Variants in NRG3 observed in about 807,000 individuals in gnomAD.
NRG3 encodes the protein pro-neuregulin-3, membrane-bound isoform.
In NRG3, 31 loss-of-function variants were observed where a neutral mutation model predicts 66.9. The ratio of observed to expected loss-of-function variants is 0.46; its 90% CI spans 0.35 to 0.63. The LOEUF is 0.63. Among genes scored for constraint, NRG3 ranks in the 20% least tolerant of loss-of-function variants. The pLI is 0.00. For missense variants in NRG3, 910 were observed against 878.9 expected (o/e 1.04, Z -0.45); for synonymous variants, 393 against 359.4 (o/e 1.09, Z -1.06).
intron 2 of NRG3, among the ~76,000 whole-genome samples, chr10:82,697,824 A>T (rs1353964587): frequency 6.6e-6 from 1 of 152,118 alleles, no homozygotes; most frequent in Non-Finnish European, 1.5e-5. Flanking sequence ...GAAAGTCATT[A>T]GGAATGTGTC....
intron 2 of NRG3, among the ~76,000 whole-genome samples, chr10:82,684,100 C>G (rs985587859): frequency 7.2e-5 from 11 of 152,216 alleles, no homozygotes; most frequent in Admixed American, 4.6e-4. Context: ...ATTAGCTCCC[C>G]GTAGACAGGT....
chr10:81,932,208 G>A (rs2133002569), intron 1 of NRG3, among the ~76,000 whole-genome samples: 1 of 126,956 alleles, frequency 7.9e-6, no homozygotes, highest in East Asian at 3.1e-4. Context: ...GAGATTGAGA[G>A]AAAGAGAGAG....
chr10:82,117,573 C>G (rs2067807575), intron 1 of NRG3, among the ~76,000 whole-genome samples: 1 of 152,074 alleles, frequency 6.6e-6, no homozygotes, highest in South Asian at 2.1e-4. Context: ...CATATTCTCA[C>G]CCTGAGACAT....
rs552307919 is a variant in NRG3 at position 82,280,873 on chromosome 10, C to A, written c.824-77866C>A. On this transcript the variant is annotated intron_variant, in intron 1 of 8. Coordinates refer to ENST00000372141, the MANE Select transcript of NRG3 (RefSeq NM_001010848.4). Reference sequence around the variant, plus strand: ...TAGTAACTCTCCAATGGCAATCCATCCTGTCCTGTGCCAGCATGGCCACCC... The same window carrying A: ...TAGTAACTCTCCAATGGCAATCCATACTGTCCTGTGCCAGCATGGCCACCC... Among the ~76,000 whole-genome samples, 8 of 152,332 alleles carry A rather than the reference C, an allele frequency of 5.3e-5. No individual in the cohort carries two copies. In the East Asian group the frequency reaches 1.5e-3, roughly 29 times the overall value.
At chr10:82,602,514 A>G (rs889110226) in intron 2 of NRG3, among the ~76,000 whole-genome samples, 3 of 152,100 alleles carry the variant, frequency 2.0e-5, no homozygotes, top group African/African-American at 4.8e-5. Flanking sequence ...AGCTTTGAAG[A>G]TAAGTAAAAC....
chr10:82,253,476 T>TC (rs1163894904), intron 1 of NRG3, among the ~76,000 whole-genome samples: 1 of 152,190 alleles, frequency 6.6e-6, no homozygotes, highest in Non-Finnish European at 1.5e-5. Flanking sequence ...CTCAACAGTC[T>TC]CACTAATTTT....
intron 1 of NRG3, among the ~76,000 whole-genome samples, chr10:82,112,427 A>G (rs1022531072): frequency 1.3e-5 from 2 of 152,124 alleles, no homozygotes; most frequent in African/African-American, 4.8e-5. Context: ...TAGGAATCAA[A>G]CAGAAAATGT....
intron 1 of NRG3, among the ~76,000 whole-genome samples, chr10:82,042,066 G>A (rs2063068468): frequency 6.6e-6 from 1 of 151,946 alleles, no homozygotes; most frequent in South Asian, 2.1e-4. Flanking sequence ...ATATAAAGTG[G>A]CCACTGAGAT....
At chr10:82,346,909 A>G (rs1253455413) in intron 1 of NRG3, among the ~76,000 whole-genome samples, 1 of 151,676 alleles carries the variant, frequency 6.6e-6, no homozygotes, top group Non-Finnish European at 1.5e-5. Flanking sequence ...ATCGGTGGTG[A>G]TATCCCCTTT....
At chr10:82,463,220 T>G (rs2091604930) in intron 2 of NRG3, among the ~76,000 whole-genome samples, 1 of 152,226 alleles carries the variant, frequency 6.6e-6, no homozygotes, top group Admixed American at 6.5e-5. Context: ...TTTGTCATCT[T>G]TCACATGGCA....
At chr10:82,179,984 T>C (rs683404) in intron 1 of NRG3, among the ~76,000 whole-genome samples, 75,912 of 151,634 alleles carry the variant, frequency 0.5, 20,800 homozygotes, top group Middle Eastern at 0.67. Context: ...CTAAGTGTTT[T>C]ATTATTTTTA....
chr10:82,778,354 T>C (rs1322542666), intron 3 of NRG3, among the ~76,000 whole-genome samples: 4 of 152,142 alleles, frequency 2.6e-5, no homozygotes, highest in Non-Finnish European at 5.9e-5. Flanking sequence ...GAAAGAGGTT[T>C]AATTGACTTA....
rs184936352 is a variant in NRG3, at chr10:82,759,054, G to T, written c.1027+20404G>T. On this transcript the variant is annotated intron_variant, in intron 3 of 8. Transcript: ENST00000372141. ...GGGCAGTGTTGGGAGGTAGGACCTA[G>T]TGAGAGATGTTTGGGCCATGGGGGC... Among the ~76,000 whole-genome samples, 290 of 152,212 alleles carry T rather than the reference G, an allele frequency of 1.9e-3. 1 individual carries two copies. Among genetic ancestry groups the T allele is most frequent in the Admixed American group, 7.5e-3 (115 of 15,266 alleles).
chr10:82,017,284 A>G (rs1199730469), intron 1 of NRG3, among the ~76,000 whole-genome samples: 1 of 152,164 alleles, frequency 6.6e-6, no homozygotes, highest in Non-Finnish European at 1.5e-5. Flanking sequence ...TAATGGTGGC[A>G]TAGTATTCCA....
At chr10:82,775,568 A>C (rs1211597644) in intron 3 of NRG3, among the ~76,000 whole-genome samples, 1 of 152,136 alleles carries the variant, frequency 6.6e-6, no homozygotes, top group Non-Finnish European at 1.5e-5. Flanking sequence ...CAAGAGAAGA[A>C]TGTATATTCT....
At chr10:82,412,041 G>T (rs1016706680) in intron 2 of NRG3, among the ~76,000 whole-genome samples, 2 of 152,056 alleles carry the variant, frequency 1.3e-5, no homozygotes, top group African/African-American at 4.8e-5. Flanking sequence ...CTCTGGAGTG[G>T]CATAGGAGCC....
At chr10:82,135,250 C>T (rs924572390) in intron 1 of NRG3, among the ~76,000 whole-genome samples, 1 of 151,664 alleles carries the variant, frequency 6.6e-6, no homozygotes, top group Non-Finnish European at 1.5e-5. Context: ...TTTCTTTCTC[C>T]TGCTGCTTTT....
chr10:82,643,886 GCACACACACACACACACCCA>G (rs553162118), intron 2 of NRG3, among the ~76,000 whole-genome samples: 103 of 48,482 alleles, frequency 2.1e-3, no homozygotes, highest in Non-Finnish European at 3.0e-3. Flanking sequence ...ACACACACGC[GCACACACACACACACACCCA>G]CACACACACA....
At chr10:82,695,206 A>G (rs1352145426) in intron 2 of NRG3, among the ~76,000 whole-genome samples, 1 of 152,138 alleles carries the variant, frequency 6.6e-6, no homozygotes, top group Non-Finnish European at 1.5e-5. Flanking sequence ...TATTTAAAAT[A>G]TATATTTAAC....
Sources: allele counts gnomAD v4.1 joint callset (sites outside exome capture counted in the v4.1 genomes callset), GRCh38; gene constraint gnomAD v4.1.1; transcripts MANE v1.5; gene names NCBI Gene and HGNC (gene_info 2026-07-23, HGNC 2026-07-21).